GPC5: variants seen among roughly 807,000 people sequenced by gnomAD.
GPC5 encodes the protein glypican 5.
Under a neutral mutation model 53.9 loss-of-function variants are expected in GPC5, and 47 were observed. The observed-to-expected ratio is 0.87, with a 90% confidence interval of 0.69 to 1.11. The LOEUF (loss-of-function observed/expected upper bound fraction) is 1.11. GPC5 is among the 50% of genes most tolerant of loss of function. The pLI is 0.00. For synonymous variants in GPC5, 286 were observed against 263.3 expected, an observed-to-expected ratio of 1.09 and a Z score of -0.84; for missense variants, 748 against 713.1, an observed-to-expected ratio of 1.05 and a Z score of -0.56.
rs2043339714 is a variant in GPC5, at chr13:92,338,378, T to A, written c.1561+193389T>A. Among the ~76,000 whole-genome samples, 9 of 152,206 alleles carry A rather than the reference T, an allele frequency of 5.9e-5. No individual in the cohort carries two copies. In the South Asian group the frequency reaches 1.9e-3, roughly 32 times the overall value. ...TGGAAGACAGTTTCTTACAGTTTCT[T>A]ACAAAGTTAAATATACTCTTATATG... On this transcript the variant is annotated intron_variant, in intron 7 of 7. Coordinates refer to ENST00000377067, the MANE Select transcript of GPC5 (RefSeq NM_004466.6).
At chr13:92,071,328 C>A (rs1232324625) in intron 6 of GPC5, among the ~76,000 whole-genome samples, 1 of 152,100 alleles carries the variant, frequency 6.6e-6, no homozygotes, top group Non-Finnish European at 1.5e-5. Flanking sequence ...GTTAGCTGGA[C>A]AATCATATAG....
chr13:92,518,431 G>A lies in GPC5; in HGVS notation c.1562-347851G>A, dbSNP rs567207754. 1.3e-3 allele frequency among the ~76,000 whole-genome samples: 202 copies of A among 152,246 alleles called. 1 individual carries two copies. Among genetic ancestry groups the A allele is most frequent in the Middle Eastern group, 6.8e-3 (2 of 294 alleles). ...CCATCAGACTAACAGCAGATCTCTC[G>A]GCAGAAACTCTACAAGCCAGAAGAG... On this transcript the variant is annotated intron_variant, in intron 7 of 7. Transcript: ENST00000377067.
chr13:91,494,349 T>TTATTATTATTATTA (rs781772788), intron 2 of GPC5, among the ~76,000 whole-genome samples: 9 of 74,358 alleles, frequency 1.2e-4, no homozygotes, highest in African/African-American at 3.8e-4. Flanking sequence ...TATTATTATT[T>TTATTATTATTATTA]TTATTAATTA....
intron 7 of GPC5, among the ~76,000 whole-genome samples, chr13:92,758,063 C>T (rs921598660): frequency 6.7e-6 from 1 of 150,340 alleles, no homozygotes; most frequent in Non-Finnish European, 1.5e-5. Context: ...TTCACAATAG[C>T]AAAGTCTTGG....
At chr13:92,528,181 T>TGTAAAAG (rs1881433236) in intron 7 of GPC5, among the ~76,000 whole-genome samples, 1 of 152,144 alleles carries the variant, frequency 6.6e-6, no homozygotes, top group Non-Finnish European at 1.5e-5. Flanking sequence ...AACTGTAAAA[T>TGTAAAAG]ACTGTACATT....
chr13:91,915,679 T>C (rs915087002), intron 6 of GPC5, among the ~76,000 whole-genome samples: 3 of 152,190 alleles, frequency 2.0e-5, no homozygotes, highest in Non-Finnish European at 4.4e-5. Context: ...TGGTAATTTA[T>C]AGGCTAAAAC....
chr13:91,933,139 A>T (rs191425874), intron 6 of GPC5, among the ~76,000 whole-genome samples: 57 of 152,042 alleles, frequency 3.7e-4, no homozygotes, highest in African/African-American at 1.3e-3. Flanking sequence ...ATCAACGGTC[A>T]AATCCAGATG....
At chr13:92,257,063 G>A (rs541679118) in intron 7 of GPC5, among the ~76,000 whole-genome samples, 3 of 139,634 alleles carry the variant, frequency 2.1e-5, no homozygotes, top group East Asian at 1.9e-4. Flanking sequence ...TTGTCTTTAT[G>A]TGACTTTCTT....
At chr13:92,174,519 A>C (rs2042094867) in intron 7 of GPC5, among the ~76,000 whole-genome samples, 1 of 150,802 alleles carries the variant, frequency 6.6e-6, no homozygotes, top group Non-Finnish European at 1.5e-5. Context: ...TAGGCGACAG[A>C]GCGAGATTCC....
intron 5 of GPC5, among the ~76,000 whole-genome samples, chr13:91,898,681 C>A (rs374298496): frequency 5.4e-5 from 8 of 149,230 alleles, no homozygotes; most frequent in African/African-American, 7.4e-5. Context: ...CAAAGACAGA[C>A]AAAAAAAAAA....
At chr13:92,365,514 A>G (rs1291660778) in intron 7 of GPC5, among the ~76,000 whole-genome samples, 1 of 151,634 alleles carries the variant, frequency 6.6e-6, no homozygotes, top group East Asian at 1.9e-4. Context: ...TACCATTTTT[A>G]CTTTCTAAAC....
chr13:91,492,102 G>A (rs929069126), intron 2 of GPC5, among the ~76,000 whole-genome samples: 1 of 152,072 alleles, frequency 6.6e-6, no homozygotes, highest in Admixed American at 6.6e-5. Flanking sequence ...CCACTTGGTT[G>A]GAAAGTTATT....
At chr13:92,292,921 G>A (rs886287239) in intron 7 of GPC5, among the ~76,000 whole-genome samples, 7 of 151,884 alleles carry the variant, frequency 4.6e-5, no homozygotes, top group Admixed American at 1.3e-4. Flanking sequence ...GTTGAAAAGA[G>A]TGTCCTTTCC....
intron 2 of GPC5, among the ~76,000 whole-genome samples, chr13:91,612,377 C>T (rs2033579298): frequency 6.6e-6 from 1 of 152,156 alleles, no homozygotes; most frequent in South Asian, 2.1e-4. Flanking sequence ...CATCCAAAAG[C>T]ACAGGCACCT....
intron 6 of GPC5, among the ~76,000 whole-genome samples, chr13:92,074,815 G>A (rs564966429): frequency 5.3e-5 from 8 of 152,230 alleles, no homozygotes; most frequent in Admixed American, 2.6e-4. Context: ...TGATTCCTTC[G>A]CACATCGCTA....
chr13:92,008,371 T>G (rs2040629414), intron 6 of GPC5, among the ~76,000 whole-genome samples: 1 of 152,140 alleles, frequency 6.6e-6, no homozygotes, highest in South Asian at 2.1e-4. Context: ...CGAAAATGTT[T>G]TATATTTACC....
intron 7 of GPC5, among the ~76,000 whole-genome samples, chr13:92,785,414 G>C (rs1285380082): frequency 6.6e-6 from 1 of 152,080 alleles, no homozygotes; most frequent in Non-Finnish European, 1.5e-5. Flanking sequence ...TCTTGTGTTG[G>C]AGGCATTAGA....
intron 1 of GPC5, among the ~76,000 whole-genome samples, chr13:91,431,226 G>A (rs572416796): frequency 9.9e-5 from 15 of 152,212 alleles, no homozygotes; most frequent in South Asian, 2.1e-4. Flanking sequence ...CACAAAAGCC[G>A]TGGTGATTGA....
chr13:91,480,957 GTT>G (rs11374638), intron 2 of GPC5, among the ~76,000 whole-genome samples: 5 of 148,270 alleles, frequency 3.4e-5, no homozygotes, highest in African/African-American at 4.9e-5. Context: ...TATCTTGGAG[GTT>G]TTTTTTTTTC....
Sources: gnomAD v4.1 joint callset for allele counts (sites outside exome capture counted in the v4.1 genomes callset) on GRCh38, gnomAD v4.1.1 for gene constraint, MANE v1.5 for transcripts, NCBI Gene and HGNC (gene_info 2026-07-23, HGNC 2026-07-21) for gene names.